FBXL4: variants seen among roughly 807,000 people sequenced by gnomAD.
The protein encoded by FBXL4 is F-box and leucine rich repeat protein 4.
A neutral mutation model predicts 58.9 loss-of-function variants in FBXL4; 40 were observed. That is an observed-to-expected ratio of 0.68 (90% confidence interval 0.53 to 0.88). The LOEUF (loss-of-function observed/expected upper bound fraction) is 0.88, where lower values mean the gene tolerates loss of function less well. FBXL4 is among the 40% of genes least tolerant of loss of function. The probability of loss-of-function intolerance (pLI) is 0.00; values close to 1 mark genes in which losing one functional copy is unlikely to be tolerated. For missense variants in FBXL4, 676 were observed against 734.4 expected (o/e 0.92, Z 0.92); for synonymous variants, 263 against 265.5 (o/e 0.99, Z 0.09).
intron 7 of FBXL4, among the ~76,000 whole-genome samples, chr6:98,893,962 C>T (rs1384762096): frequency 6.6e-6 from 1 of 152,144 alleles, no homozygotes; most frequent in South Asian, 2.1e-4. Context: ...ACTGTAGCCT[C>T]GACCTCCTGG....
At chr6:98,893,704 G>T (rs905413366) in intron 7 of FBXL4, among the ~76,000 whole-genome samples, 1 of 152,040 alleles carries the variant, frequency 6.6e-6, no homozygotes, top group Admixed American at 6.5e-5. Flanking sequence ...GGGGTAAAGG[G>T]TTATTATGTT....
At chr6:98,913,363 A>C (rs195817) in intron 5 of FBXL4, among the ~76,000 whole-genome samples, 48,617 of 151,708 alleles carry the variant, frequency 0.32, 8,850 homozygotes, top group East Asian at 0.69. Context: ...CCCAAATCAA[A>C]AGAATATACA....
chr6:98,939,522 C>A (rs986086128), intron 1 of FBXL4, among the ~76,000 whole-genome samples: 2 of 152,180 alleles, frequency 1.3e-5, no homozygotes, highest in African/African-American at 4.8e-5. Flanking sequence ...ACAAAAAGTG[C>A]AAGGTTTTGC....
intron 5 of FBXL4, among the ~76,000 whole-genome samples, chr6:98,911,750 G>T (rs1490347091): frequency 6.6e-6 from 1 of 152,136 alleles, no homozygotes; most frequent in Admixed American, 6.5e-5. Flanking sequence ...AGAAAAACTG[G>T]AAACTCTAAA....
chr6:98,882,326 G>A (rs1179281018), intron 7 of FBXL4, among the ~76,000 whole-genome samples: 1 of 151,856 alleles, frequency 6.6e-6, no homozygotes, highest in Non-Finnish European at 1.5e-5. Flanking sequence ...ATGACTCGGT[G>A]TTTAAAACAT....
At chr6:98,931,111 C>G (rs1039366649) in intron 2 of FBXL4, among the ~76,000 whole-genome samples, 1 of 152,236 alleles carries the variant, frequency 6.6e-6, no homozygotes, top group African/African-American at 2.4e-5. Context: ...GACATCACTT[C>G]TCACTCCACG....
chr6:98,875,374 G>A (rs1770620224), intron 9 of FBXL4, 41 bp downstream of exon 9: 1 of 1,592,476 alleles, frequency 6.3e-7, no homozygotes, highest in Non-Finnish European at 8.6e-7. Context: ...TTCTGTCAAG[G>A]AAACAGACAT....
At chr6:98,892,066 A>T (rs1325949639) in intron 7 of FBXL4, among the ~76,000 whole-genome samples, 1 of 152,224 alleles carries the variant, frequency 6.6e-6, no homozygotes. Flanking sequence ...CTACAAGGCC[A>T]ATCAGGATAC....
At chr6:98,930,286 G>A (rs755894202) in intron 2 of FBXL4, among the ~76,000 whole-genome samples, 5 of 152,196 alleles carry the variant, frequency 3.3e-5, no homozygotes, top group Non-Finnish European at 5.9e-5. Flanking sequence ...TGGGCATGAT[G>A]GCTCACACCT....
chr6:98,911,246 G>T (rs1772050761), intron 5 of FBXL4, among the ~76,000 whole-genome samples: 3 of 152,146 alleles, frequency 2.0e-5, no homozygotes, highest in African/African-American at 7.2e-5. Flanking sequence ...CACCTCTGGG[G>T]GCAGGGCACA....
chr6:98,875,281 C>G, intron 9 of FBXL4, 134 bp downstream of exon 9: 1 of 762,962 alleles, frequency 1.3e-6, no homozygotes, highest in Non-Finnish European at 2.2e-6. Context: ...CATTTCCTAT[C>G]AAACCAAGCC....
intron 5 of FBXL4, among the ~76,000 whole-genome samples, chr6:98,911,802 G>A (rs978524472): frequency 2.0e-5 from 3 of 152,186 alleles, no homozygotes; most frequent in Non-Finnish European, 4.4e-5. Context: ...GTTCCTCACC[G>A]GCAATGGAAC....
chr6:98,885,734 G>A (rs897018632), intron 7 of FBXL4, among the ~76,000 whole-genome samples: 9 of 152,076 alleles, frequency 5.9e-5, no homozygotes, highest in African/African-American at 1.9e-4. Flanking sequence ...TTGCCAATTC[G>A]TCCTGCAGAT....
intron 7 of FBXL4, among the ~76,000 whole-genome samples, chr6:98,896,250 A>G (rs189465973): frequency 6.6e-6 from 1 of 152,256 alleles, no homozygotes; most frequent in Admixed American, 6.5e-5. Context: ...ATACACCATC[A>G]TTAGGTGCAA....
At chr6:98,920,876 CTT>C (rs1335231391) in intron 4 of FBXL4, among the ~76,000 whole-genome samples, 3 of 151,518 alleles carry the variant, frequency 2.0e-5, no homozygotes, top group Admixed American at 6.6e-5. Context: ...AAGCTCAACT[CTT>C]TTAATTCTCT....
rs193245686 is a variant in FBXL4 at position 98,929,689 on chromosome 6, T to C, written c.-190-1867A>G. ...GGAACCAGTTACAGGCCATAATGGTTACAAGGGGACTCCCTAACACCCATT... is the reference window on the plus strand; with the variant it reads ...GGAACCAGTTACAGGCCATAATGGTCACAAGGGGACTCCCTAACACCCATT... On this transcript the variant is annotated intron_variant, in intron 2 of 9. Transcript: ENST00000369244. Among the ~76,000 whole-genome samples the C allele has an allele frequency of 1.6e-3, 250 of 152,220 alleles. 2 individuals carry two copies. Among genetic ancestry groups the C allele is most frequent in the African/African-American group, 5.5e-3 (229 of 41,526 alleles).
At chr6:98,941,072 T>A (rs1773414338) in intron 1 of FBXL4, among the ~76,000 whole-genome samples, 1 of 152,182 alleles carries the variant, frequency 6.6e-6, no homozygotes, top group Admixed American at 6.5e-5. Context: ...TCCGAGGTAT[T>A]TACTCAAGTG....
At chr6:98,928,561 C>G (rs1037598615) in intron 2 of FBXL4, among the ~76,000 whole-genome samples, 2 of 152,156 alleles carry the variant, frequency 1.3e-5, no homozygotes, top group Admixed American at 6.5e-5. Context: ...AACTCCTGAC[C>G]TCAGGTGATC....
chr6:98,932,310 A>G (rs1582448315), intron 2 of FBXL4, among the ~76,000 whole-genome samples: 1 of 152,230 alleles, frequency 6.6e-6, no homozygotes, highest in East Asian at 1.9e-4. Context: ...TAGCACAATC[A>G]AGGAATACCA....
Sources: allele counts gnomAD v4.1 joint callset (sites outside exome capture counted in the v4.1 genomes callset), GRCh38; gene constraint gnomAD v4.1.1; transcripts MANE v1.5; gene names NCBI Gene and HGNC (gene_info 2026-07-23, HGNC 2026-07-21).